Variants in DUSP3 observed in about 807,000 individuals in gnomAD.
DUSP3 encodes the protein dual specificity protein phosphatase 3.
DUSP3 carries 7 observed loss-of-function variants against 15.5 expected under a neutral mutation model. The observed-to-expected ratio is 0.45, with a 90% CI of 0.26 to 0.85. The LOEUF (loss-of-function observed/expected upper bound fraction) is 0.85, where lower values mean the gene tolerates loss of function less well. Among genes scored for constraint, DUSP3 ranks in the 40% least tolerant of loss-of-function variants. The pLI, the probability that DUSP3 is intolerant of heterozygous loss-of-function variation, is 0.18. For synonymous variants in DUSP3, 86 were observed against 104.2 expected, an observed-to-expected ratio of 0.83 and a Z score of 1.07; for missense variants, 209 against 251.7, an observed-to-expected ratio of 0.83 and a Z score of 1.15.
intron 1 of DUSP3, among the ~76,000 whole-genome samples, chr17:43,775,152 G>A (rs1178988222): frequency 6.6e-6 from 1 of 152,146 alleles, no homozygotes; most frequent in Non-Finnish European, 1.5e-5. Flanking sequence ...TGGTTTCATA[G>A]CCATGCTGTC....
chr17:43,774,694 T>G lies in DUSP3; in HGVS notation c.352+18A>C. 7 of 1,613,494 alleles carry G rather than the reference T, an allele frequency of 4.3e-6. No individual in the cohort carries two copies. Among genetic ancestry groups the G allele is most frequent in the Non-Finnish European group, 5.9e-6 (7 of 1,179,396 alleles). ...GTCAGAGCTGCCTCCCATCTTTTCC[T>G]GGTGGGAGGTCCCTTACCATTCTTT... On this transcript the variant is annotated intron_variant, in intron 2 of 2. Coordinates refer to ENST00000226004, the MANE Select transcript of DUSP3 (RefSeq NM_004090.4).
rs1230403 is a variant in DUSP3, at chr17:43,769,596, T to C, written c.*13A>G. On this transcript the variant is annotated 3_prime_UTR_variant, in exon 3 of 3. Transcript: ENST00000226004. ...CCCCCACGGACCTCTCGAGCAGAGG[T>C]GGTGGGGGTGCCCTAGGGTTTCAAC... is the stretch of plus-strand genomic sequence containing the variant. 1,552,984 of 1,610,110 alleles carry C rather than the reference T, an allele frequency of 0.96. 749,106 individuals are homozygous for C. Among genetic ancestry groups the C allele is most frequent in the East Asian group, 1 (44,794 of 44,828 alleles).
rs1168703407 is a variant in DUSP3, at chr17:43,769,704, T to G, written c.463A>C (p.Arg155=). The G allele has an allele frequency of 9.9e-6, 16 of 1,613,758 alleles. No homozygotes were observed. The highest frequency in any genetic ancestry group is 1.4e-5 in the Non-Finnish European group (16 of 1,179,954). ...MDVKSALSIV[R]QNREIGPNDG... ...TTGGGGCCGATCTCACGGTTCTGCC[T>G]CACGATGCTCAGGGCAGACTTGACG... The change falls in exon 3 of 3, where the codon AGG becomes CGG. Residue 155 remains arginine (R), a synonymous_variant. Transcript: ENST00000226004.
chr17:43,777,558 G>A, intron 1 of DUSP3: 1 of 455,932 alleles, frequency 2.2e-6, no homozygotes, highest in Non-Finnish European at 4.4e-6. Context: ...TGTCCTTGTA[G>A]TCCCTCACAC....
At chr17:43,772,842 G>C (rs907274729) in intron 2 of DUSP3, among the ~76,000 whole-genome samples, 4 of 152,108 alleles carry the variant, frequency 2.6e-5, no homozygotes, top group African/African-American at 4.8e-5. Context: ...GGTAGGGAGA[G>C]GCAGAGAGAA....
chr17:43,767,137 C>T lies in DUSP3; in HGVS notation c.*2472G>A, dbSNP rs557011897. On this transcript the variant is annotated 3_prime_UTR_variant, in exon 3 of 3. Transcript: ENST00000226004. ...GTAAAGGCAGTAATTCTCCCAATGG[C>T]CTTTTCTCCCTCATGCCCCCACAGA... is the stretch of plus-strand genomic sequence containing the variant. The T allele has an allele frequency of 6.5e-6, 1 of 152,774 alleles. No individual in the cohort carries two copies. Among genetic ancestry groups the T allele is most frequent in the Non-Finnish European group, 1.5e-5 (1 of 68,046 alleles). 9.5% of individuals were successfully genotyped at this position (152,774 alleles called of 1,614,324 possible).
In DUSP3 at chr17:43,767,530, G is replaced by A. The variant is rs1312809216; in HGVS notation, c.*2079C>T. 6.6e-6 allele frequency: 1 copy of A among 152,548 alleles called. No homozygotes were observed. The highest frequency in any genetic ancestry group is 2.4e-5 in the African/African-American group (1 of 41,424). The allele number at this position is 152,548 out of a possible 1,614,324, so 9.4% of individuals were successfully genotyped here. ...AAAATCTTGCCCAGCTCCACCTTAT[G>A]GAGCTGGACAACCCTGGGGGCCAGG... On this transcript the variant is annotated 3_prime_UTR_variant, in exon 3 of 3. Coordinates refer to ENST00000226004, the MANE Select transcript of DUSP3 (RefSeq NM_004090.4).
chr17:43,777,858 G>C (rs1170804725), intron 1 of DUSP3: 1 of 196,948 alleles, frequency 5.1e-6, no homozygotes, highest in Non-Finnish European at 1.1e-5. Context: ...ATCTCTTACT[G>C]TCCGGGTGCG....
intron 2 of DUSP3, among the ~76,000 whole-genome samples, chr17:43,770,990 ATGTGTG>A (rs71160061): frequency 0.59 from 86,444 of 146,328 alleles, 25,935 homozygotes; most frequent in East Asian, 0.81. Context: ...GTGTATATAT[ATGTGTG>A]TGTGTGTGTG....
At chr17:43,769,835 G>A (rs752572483) in intron 2 of DUSP3, 21 bp from the exon 3 acceptor site, 5 of 1,613,452 alleles carry the variant, frequency 3.1e-6, no homozygotes, top group Non-Finnish European at 4.2e-6. Flanking sequence ...CAGGGGAGAC[G>A]TGGTGAGCTG....
In DUSP3 at chr17:43,768,463, C is replaced by T. The variant is rs2154590598; in HGVS notation, c.*1146G>A. On this transcript the variant is annotated 3_prime_UTR_variant, in exon 3 of 3. Transcript: ENST00000226004. ...GATCCATTTGGACACTCCGCCATGTCTCATGTCTGCCTGGCTGAGTCACTT... is the reference window on the plus strand; with the variant it reads ...GATCCATTTGGACACTCCGCCATGTTTCATGTCTGCCTGGCTGAGTCACTT... 1 of 152,306 alleles carries T rather than the reference C, an allele frequency of 6.6e-6. No individual in the cohort carries two copies. The highest frequency in any genetic ancestry group is 2.1e-4 in the South Asian group (1 of 4,806). 9.4% of individuals were successfully genotyped at this position (152,306 alleles called of 1,614,324 possible). A position where few individuals can be genotyped will look rare whatever the true frequency, so the allele number is the denominator to read the frequency against.
chr17:43,778,874 C>A lies in DUSP3; in HGVS notation c.51G>T (p.Ser17=), dbSNP rs1974427861. The A allele has an allele frequency of 2.6e-6, 4 of 1,518,398 alleles. No individual in the cohort carries two copies. The highest frequency in any genetic ancestry group is 2.9e-5 in the African/African-American group (2 of 69,408). The allele number at this position is 1,518,398 out of a possible 1,614,324, so 94.1% of individuals were successfully genotyped here. A position where few individuals can be genotyped will look rare whatever the true frequency, so the allele number is the denominator to read the frequency against. The change falls in exon 1 of 3, where the codon TCG becomes TCT. Residue 17 remains serine (S), a synonymous_variant. Coordinates refer to ENST00000226004, the MANE Select transcript of DUSP3 (RefSeq NM_004090.4). ...LSVQDLNDLL[S]DGSGCYSLPS... is the part of the protein sequence containing the mutation. ...GGAGGCTGTAGCAGCCGCTGCCGTC[C>A]GAGAGCAGGTCGTTGAGATCCTGCA...
At position 43,778,925 on chromosome 17, in the gene DUSP3, G is replaced by A; in HGVS notation, c.-1C>T. The A allele has an allele frequency of 6.9e-7, 1 of 1,456,892 alleles. No homozygotes were observed. The highest frequency in any genetic ancestry group is 1.5e-5 in the African/African-American group (1 of 68,112). The allele number at this position is 1,456,892 out of a possible 1,614,324, so 90.2% of individuals were successfully genotyped here. A position where few individuals can be genotyped will look rare whatever the true frequency, so the allele number is the denominator to read the frequency against. On this transcript the variant is annotated 5_prime_UTR_variant, in exon 1 of 3. Transcript: ENST00000226004. ...CCGAGAGCTCGAACGAGCCCGACATGGCGGCGGCGGGGCCCTGCACGCCCG... is the reference window on the plus strand; with the variant it reads ...CCGAGAGCTCGAACGAGCCCGACATAGCGGCGGCGGGGCCCTGCACGCCCG...
chr17:43,768,882 C>T lies in DUSP3; in HGVS notation c.*727G>A, dbSNP rs1269352241. 6.6e-6 allele frequency: 1 copy of T among 152,076 alleles called. No individual in the cohort carries two copies. The highest frequency in any genetic ancestry group is 1.5e-5 in the Non-Finnish European group (1 of 68,014). The allele number at this position is 152,076 out of a possible 1,614,324, so 9.4% of individuals were successfully genotyped here. ...GAGATAAGATCGAAGGGAAATATTC[C>T]AGAGCAGCAGATTCTGAACTCAAGG... On this transcript the variant is annotated 3_prime_UTR_variant, in exon 3 of 3. Coordinates refer to ENST00000226004, the MANE Select transcript of DUSP3 (RefSeq NM_004090.4).
intron 2 of DUSP3, 110 bp downstream of exon 2, chr17:43,774,602 A>G (rs998887003): frequency 2.5e-6 from 3 of 1,217,190 alleles, no homozygotes; most frequent in Non-Finnish European, 2.4e-6. Context: ...TCACCCCAGA[A>G]GATGGGAAAC....
At chr17:43,770,290 C>T (rs185519555) in intron 2 of DUSP3, among the ~76,000 whole-genome samples, 4 of 152,244 alleles carry the variant, frequency 2.6e-5, no homozygotes, top group Admixed American at 1.3e-4. Flanking sequence ...AGAAGCAACA[C>T]GGAGGCAGCA....
At chr17:43,778,523 C>T (rs1974418485) in intron 1 of DUSP3, among the ~76,000 whole-genome samples, 2 of 152,274 alleles carry the variant, frequency 1.3e-5, no homozygotes, top group South Asian at 4.1e-4. Flanking sequence ...AAGCCCCAAG[C>T]GGGTGGCGGC....
chr17:43,770,548 T>G (rs1437166628), intron 2 of DUSP3, among the ~76,000 whole-genome samples: 1 of 151,746 alleles, frequency 6.6e-6, no homozygotes, highest in Non-Finnish European at 1.5e-5. Flanking sequence ...TCCCAGCTAC[T>G]CAGGAGGCTG....
chr17:43,769,427 G>A lies in DUSP3; in HGVS notation c.*182C>T, dbSNP rs1974282678. 4.7e-6 allele frequency: 3 copies of A among 641,516 alleles called. No individual in the cohort carries two copies. The South Asian group carries it at 7.0e-5, about 15-fold the overall frequency. 39.7% of individuals were successfully genotyped at this position (641,516 alleles called of 1,614,324 possible). A position where few individuals can be genotyped will look rare whatever the true frequency, so the allele number is the denominator to read the frequency against. On this transcript the variant is annotated 3_prime_UTR_variant, in exon 3 of 3. Transcript: ENST00000226004. ...GGAGCAAGGACGCCCCCCTTGGCAA[G>A]CTTCTTTATGTGCTCCCCAGGGTGG... is the stretch of plus-strand genomic sequence containing the variant.
Sources: gnomAD v4.1 joint callset for allele counts (sites outside exome capture counted in the v4.1 genomes callset) on GRCh38, gnomAD v4.1.1 for gene constraint, MANE v1.5 for transcripts, NCBI Gene and HGNC (gene_info 2026-07-23, HGNC 2026-07-21) for gene names.